MSI2: variants seen among roughly 807,000 people sequenced by gnomAD.
MSI2 encodes musashi RNA binding protein 2, also known as RNA-binding protein Musashi homolog 2.
In MSI2, 17 loss-of-function variants were observed where a neutral mutation model predicts 45.6. The observed-to-expected ratio is 0.37, with a 90% confidence interval of 0.26 to 0.56. MSI2 has a LOEUF of 0.56. MSI2 is among the 20% of genes least tolerant of loss of function. MSI2 has a pLI of 0.77. For missense variants in MSI2, 293 were observed against 444.2 expected, an observed-to-expected ratio of 0.66 and a Z score of 3.06; for synonymous variants, 156 against 158.2, an observed-to-expected ratio of 0.99 and a Z score of 0.11.
chr17:57,539,712 A>G (rs1244836565), intron 7 of MSI2, among the ~76,000 whole-genome samples: 6 of 141,960 alleles, frequency 4.2e-5, no homozygotes, highest in Non-Finnish European at 9.2e-5. Flanking sequence ...ACAACGTGCT[A>G]TTATTAGAAT....
rs72396563 is a variant in MSI2 at position 57,460,128 on chromosome 17, CAAATAAATAAATAAAT to C, written c.405+58688_405+58703del. Among the ~76,000 whole-genome samples, 519 of 139,004 alleles carry C rather than the reference CAAATAAATAAATAAAT, an allele frequency of 3.7e-3. 4 individuals carry two copies. The highest frequency in any genetic ancestry group is 0.018 in the East Asian group (85 of 4,672). 91.2% of individuals were successfully genotyped at this position (139,004 alleles called of 152,430 possible). Reference sequence around the variant, plus strand: ...TGGGCAACAGAACGGAACTCTGTCTCAAATAAATAAATAAATAAATAAATAAATAAATAAATAAATA... The same window carrying C: ...TGGGCAACAGAACGGAACTCTGTCTCAAATAAATAAATAAATAAATAAATA... On this transcript the variant is annotated intron_variant, in intron 6 of 13. Transcript: ENST00000284073.
In MSI2 at chr17:57,388,297, A is replaced by G. The variant is rs999754414; in HGVS notation, c.313-13082A>G. 7.9e-5 allele frequency among the ~76,000 whole-genome samples: 12 copies of G among 152,206 alleles called. No individual in the cohort carries two copies. The East Asian group carries it at 1.3e-3, about 17-fold the overall frequency. ...GGAGGTTGGAAGAGGCCAGATCAGC[A>G]TATCTGGGCTGGGGGGAATTTGACT... On this transcript the variant is annotated intron_variant, in intron 5 of 13. Transcript: ENST00000284073.
At chr17:57,374,014 A>G (rs981556556) in intron 5 of MSI2, among the ~76,000 whole-genome samples, 2 of 152,316 alleles carry the variant, frequency 1.3e-5, no homozygotes, top group Non-Finnish European at 1.5e-5. Context: ...TACCATGTCT[A>G]CTTAGTAAAC....
intron 6 of MSI2, among the ~76,000 whole-genome samples, chr17:57,418,782 G>A (rs944805783): frequency 1.3e-5 from 2 of 152,060 alleles, no homozygotes; most frequent in Non-Finnish European, 2.9e-5. Flanking sequence ...AGAATTTGGT[G>A]GTAATCACTT....
chr17:57,492,301 A>G (rs1246395355), intron 6 of MSI2, among the ~76,000 whole-genome samples: 13 of 152,208 alleles, frequency 8.5e-5, no homozygotes. Flanking sequence ...ATTACTCAGT[A>G]TCTTTCTTCT....
intron 5 of MSI2, chr17:57,265,182 T>C (rs1294876824): frequency 2.6e-5 from 4 of 152,214 alleles, no homozygotes; most frequent in East Asian, 3.8e-4. Flanking sequence ...CCCAGGAGCA[T>C]AGAACTTTAA....
intron 7 of MSI2, among the ~76,000 whole-genome samples, chr17:57,558,928 T>C (rs1285302343): frequency 2.6e-5 from 4 of 152,046 alleles, no homozygotes; most frequent in African/African-American, 9.7e-5. Flanking sequence ...CGAGGTGTGG[T>C]GGCGGGAGCC....
chr17:57,471,006 G>C (rs369657226), intron 6 of MSI2, among the ~76,000 whole-genome samples: 2 of 152,206 alleles, frequency 1.3e-5, no homozygotes, highest in African/African-American at 4.8e-5. Context: ...TGATGCTTCT[G>C]CTCTCTTGGC....
At chr17:57,541,891 CT>C (rs1422939437) in intron 7 of MSI2, among the ~76,000 whole-genome samples, 3 of 152,216 alleles carry the variant, frequency 2.0e-5, no homozygotes, top group African/African-American at 4.8e-5. Context: ...CTTCTTCCCC[CT>C]GAATGTGTCC....
intron 5 of MSI2, among the ~76,000 whole-genome samples, chr17:57,387,093 A>T (rs1486303688): frequency 6.6e-6 from 1 of 152,210 alleles, no homozygotes; most frequent in African/African-American, 2.4e-5. Context: ...ACAGGTCCCC[A>T]GTTGCCTCTT....
At chr17:57,307,634 A>G (rs1159576810) in intron 5 of MSI2, among the ~76,000 whole-genome samples, 1 of 152,126 alleles carries the variant, frequency 6.6e-6, no homozygotes, top group Non-Finnish European at 1.5e-5. Context: ...CACATTGGCC[A>G]GGTTGGTCTC....
chr17:57,586,977 A>G (rs1232230254), intron 7 of MSI2, among the ~76,000 whole-genome samples: 3 of 152,184 alleles, frequency 2.0e-5, no homozygotes. Context: ...TGGGAAGCAT[A>G]GGGCAGAGTC....
intron 6 of MSI2, among the ~76,000 whole-genome samples, chr17:57,446,556 A>G (rs1189804859): frequency 6.6e-6 from 1 of 152,216 alleles, no homozygotes; most frequent in Non-Finnish European, 1.5e-5. Flanking sequence ...TTCCCTGTTT[A>G]GGCACCCACA....
chr17:57,572,918 T>A (rs143229225), intron 7 of MSI2, among the ~76,000 whole-genome samples: 72 of 152,318 alleles, frequency 4.7e-4, no homozygotes, highest in African/African-American at 1.6e-3. Flanking sequence ...GGGCATGAGG[T>A]GACCAATGCA....
chr17:57,320,139 CTG>C (rs1365209692), intron 5 of MSI2, among the ~76,000 whole-genome samples: 1 of 152,186 alleles, frequency 6.6e-6, no homozygotes, highest in Non-Finnish European at 1.5e-5. Flanking sequence ...TGCTGCTGAA[CTG>C]TGTTCCGATC....
At chr17:57,560,393 G>T (rs1244450199) in intron 7 of MSI2, among the ~76,000 whole-genome samples, 1 of 152,198 alleles carries the variant, frequency 6.6e-6, no homozygotes, top group Non-Finnish European at 1.5e-5. Flanking sequence ...CGGGGTTGGT[G>T]GGGACACTTC....
Position 57,364,934 on chromosome 17 carries a change from T to G in MSI2, c.313-36445T>G, listed in dbSNP as rs1917081775. On this transcript the variant is annotated intron_variant, in intron 5 of 13. Transcript: ENST00000284073. Reference sequence around the variant, plus strand: ...TTTTCCTTTTTAGCATTGCTGACTTTCTTCCTCCATGGCACAGGATTTTTG... The same window carrying G: ...TTTTCCTTTTTAGCATTGCTGACTTGCTTCCTCCATGGCACAGGATTTTTG... 3 of 152,308 alleles carry G rather than the reference T, an allele frequency of 2.0e-5. No individual in the cohort carries two copies. In the South Asian group the frequency reaches 6.2e-4, roughly 32 times the overall value. 9.4% of individuals were successfully genotyped at this position (152,308 alleles called of 1,614,324 possible).
At chr17:57,405,933 T>A (rs1416411561) in intron 6 of MSI2, among the ~76,000 whole-genome samples, 5 of 152,212 alleles carry the variant, frequency 3.3e-5, no homozygotes, top group African/African-American at 9.6e-5. Flanking sequence ...GGTGAGGAAG[T>A]TCTCCAAGAT....
intron 7 of MSI2, among the ~76,000 whole-genome samples, chr17:57,581,452 C>A (rs1272447231): frequency 2.0e-5 from 3 of 152,180 alleles, no homozygotes; most frequent in Non-Finnish European, 4.4e-5. Context: ...CCTCCCAGTC[C>A]ATGGAATTTC....
Sources: gnomAD v4.1 joint callset for allele counts (sites outside exome capture counted in the v4.1 genomes callset) on GRCh38, gnomAD v4.1.1 for gene constraint, MANE v1.5 for transcripts, NCBI Gene and HGNC (gene_info 2026-07-23, HGNC 2026-07-21) for gene names.